Variants in GARIN2 observed in about 807,000 individuals in gnomAD.
The protein encoded by GARIN2 is golgi associated RAB2 interactor family member 2, also known as Golgi-associated RAB2 interactor protein 2.
At chr14:67,217,588 A>G in the GARIN2 span, among the ~76,000 whole-genome samples, 1 of 151,914 alleles carries the variant, frequency 6.6e-6, no homozygotes, top group African/African-American at 2.4e-5. Context: ...TCTACCAGTG[A>G]GTTTTATAGT....
the GARIN2 span, chr14:67,203,055 T>C: frequency 1.3e-6 from 2 of 1,592,592 alleles, no homozygotes; most frequent in Non-Finnish European, 1.7e-6. Flanking sequence ...AAGCCACACA[T>C]TTCATCATAT....
chr14:67,205,226 G>T, the GARIN2 span: 2 of 848,922 alleles, frequency 2.4e-6, no homozygotes, highest in Non-Finnish European at 3.5e-6. Context: ...AATTTTAATA[G>T]TGAGATTAAA....
At chr14:67,198,420 AG>A in the GARIN2 span, 13 of 1,157,974 alleles carry the variant, frequency 1.1e-5, no homozygotes, top group Admixed American at 2.1e-5. Flanking sequence ...AAATGTGCCG[AG>A]GGAATGTGTG....
chr14:67,218,236 T>A, the GARIN2 span, among the ~76,000 whole-genome samples: 1 of 152,154 alleles, frequency 6.6e-6, no homozygotes, highest in Non-Finnish European at 1.5e-5. Context: ...AGAAGCATGA[T>A]CACACAGTTG....
At chr14:67,212,517 G>A in the GARIN2 span, among the ~76,000 whole-genome samples, 1 of 150,168 alleles carries the variant, frequency 6.7e-6, no homozygotes. Context: ...CCTAATCCTG[G>A]GGGGTTGAGG....
At chr14:67,206,780 G>T in the GARIN2 span, among the ~76,000 whole-genome samples, 1 of 152,066 alleles carries the variant, frequency 6.6e-6, no homozygotes, top group African/African-American at 2.4e-5. Context: ...GCCCAGGCTG[G>T]AGTGCAGTGG....
the GARIN2 span, chr14:67,227,382 C>A: frequency 6.7e-6 from 1 of 148,970 alleles, no homozygotes; most frequent in South Asian, 2.1e-4. Context: ...GGAGGTTGCA[C>A]TGAGCCGAGA....
chr14:67,196,119 T>G, the GARIN2 span, among the ~76,000 whole-genome samples: 153 of 152,312 alleles, frequency 1.0e-3, 1 homozygote, highest in South Asian at 0.014. Context: ...CTCTGTGCAT[T>G]TCTTAAAGGG....
the GARIN2 span, chr14:67,199,802 C>T: frequency 7.9e-6 from 12 of 1,519,338 alleles, no homozygotes; most frequent in Non-Finnish European, 8.0e-6. Context: ...ACCCCCAGTG[C>T]TGCCTCCTGG....
At chr14:67,192,071 A>G in the GARIN2 span, among the ~76,000 whole-genome samples, 1 of 152,234 alleles carries the variant, frequency 6.6e-6, no homozygotes, top group African/African-American at 2.4e-5. Context: ...CATCTCAAAT[A>G]AAACTCCATT....
At chr14:67,200,267 G>A in the GARIN2 span, 8 of 787,494 alleles carry the variant, frequency 1.0e-5, no homozygotes, top group Admixed American at 1.6e-4. Flanking sequence ...CTCCAACCAG[G>A]CCCACTCCCC....
chr14:67,191,278 A>G, the GARIN2 span, among the ~76,000 whole-genome samples: 1 of 152,234 alleles, frequency 6.6e-6, no homozygotes, highest in East Asian at 1.9e-4. Flanking sequence ...TAACACAGTA[A>G]AAAGACCCAG....
the GARIN2 span, among the ~76,000 whole-genome samples, chr14:67,195,276 A>G: frequency 6.6e-6 from 1 of 152,164 alleles, no homozygotes; most frequent in Non-Finnish European, 1.5e-5. Flanking sequence ...CGTGGCTGCA[A>G]ATATCCTTGA....
At chr14:67,223,797 C>T in the GARIN2 span, 4 of 985,402 alleles carry the variant, frequency 4.1e-6, no homozygotes, top group African/African-American at 1.8e-5. Flanking sequence ...CATTTCTTTC[C>T]CCATTTTCAC....
chr14:67,218,799 G>A, the GARIN2 span, among the ~76,000 whole-genome samples: 1 of 151,992 alleles, frequency 6.6e-6, no homozygotes, highest in African/African-American at 2.4e-5. Flanking sequence ...TTGAGGGTGT[G>A]TATGCAGCAG....
At chr14:67,227,475 C>T in the GARIN2 span, 1 of 150,394 alleles carries the variant, frequency 6.6e-6, no homozygotes, top group African/African-American at 2.4e-5. Flanking sequence ...GAAAAATTTG[C>T]TCCCAAATCC....
the GARIN2 span, among the ~76,000 whole-genome samples, chr14:67,210,752 CCTGTAATCCCA>C: frequency 2.6e-5 from 4 of 152,050 alleles, no homozygotes; most frequent in Admixed American, 2.6e-4. Flanking sequence ...ATGGCTCAGA[CCTGTAATCCCA>C]GCACTTAGGG....
At chr14:67,225,040 T>C in the GARIN2 span, 36 of 1,337,806 alleles carry the variant, frequency 2.7e-5, no homozygotes, top group Non-Finnish European at 3.3e-5. Flanking sequence ...CCTCCTGCTT[T>C]TGGCTTTTTT....
chr14:67,204,768 A>C, the GARIN2 span: 1 of 1,614,032 alleles, frequency 6.2e-7, no homozygotes, highest in South Asian at 1.1e-5. Flanking sequence ...CGAATAGCAC[A>C]GACATCACAG....
Sources: allele counts gnomAD v4.1 joint callset (sites outside exome capture counted in the v4.1 genomes callset), GRCh38; gene constraint gnomAD v4.1.1; transcripts MANE v1.5; gene names NCBI Gene and HGNC (gene_info 2026-07-23, HGNC 2026-07-21).